The following SMIM7 variants were observed in gnomAD, a reference collection of about 807,000 sequenced individuals.
SMIM7 encodes UPF0608 protein C19orf42.
SMIM7 carries 12 observed loss-of-function variants against 13.3 expected under a neutral mutation model. That is an observed-to-expected ratio of 0.90 (90% CI 0.58 to 1.46). The LOEUF is 1.46. Ranked by LOEUF, SMIM7 falls within the 40% of genes most tolerant of loss-of-function variation. The pLI is 0.00. For synonymous variants in SMIM7, 36 were observed against 35.8 expected, an observed-to-expected ratio of 1.01 and a Z score of -0.02; for missense variants, 114 against 94.8, an observed-to-expected ratio of 1.20 and a Z score of -0.84.
At chr19:16,659,759 G>T in intron 2 of SMIM7, 200 bp downstream of exon 2, 1 of 706,900 alleles carries the variant, frequency 1.4e-6, no homozygotes, top group Non-Finnish European at 2.4e-6. Context: ...GACAACCAAG[G>T]AACGGAGAGT....
rs1280387160 is a variant in SMIM7, at chr19:16,650,609, C to T, written c.213-3348G>A. 2.6e-5 allele frequency among the ~76,000 whole-genome samples: 4 copies of T among 151,476 alleles called. No homozygotes were observed. The South Asian group carries it at 8.3e-4, about 31-fold the overall frequency. ...CCTGTAGTCTCAGCTCCTTGGGAGG[C>T]TGAGGCAGGAGAATCACTTGAACCT... On this transcript the variant is annotated intron_variant, in intron 4 of 4. Transcript: ENST00000487416.
At chr19:16,652,584 C>A in intron 4 of SMIM7, 2 of 1,195,106 alleles carry the variant, frequency 1.7e-6, no homozygotes, top group Non-Finnish European at 2.1e-6. Flanking sequence ...GCTCTCAGAT[C>A]CTCTCTGCCA....
downstream of SMIM7, chr19:16,640,921 T>TTA (rs2086399544): frequency 1.3e-5 from 2 of 151,366 alleles, no homozygotes; most frequent in African/African-American, 4.9e-5. Flanking sequence ...TGACAGAGTC[T>TTA]CAAAAAAAGA....
chr19:16,650,160 C>T (rs1431717279), intron 4 of SMIM7, among the ~76,000 whole-genome samples: 2 of 152,116 alleles, frequency 1.3e-5, no homozygotes, highest in African/African-American at 2.4e-5. Flanking sequence ...AACTTTTCCT[C>T]TTGTTATTTT....
At chr19:16,649,110 T>C (rs1235098579) in intron 4 of SMIM7, among the ~76,000 whole-genome samples, 1 of 152,190 alleles carries the variant, frequency 6.6e-6, no homozygotes, top group Non-Finnish European at 1.5e-5. Flanking sequence ...GGAGAAAGTG[T>C]AACCCTCGTA....
chr19:16,642,515 A>G (rs2086411149), downstream of SMIM7, among the ~76,000 whole-genome samples: 1 of 151,790 alleles, frequency 6.6e-6, no homozygotes, highest in Admixed American at 6.6e-5. Context: ...ACACCACCGC[A>G]CTCCAGCCTG....
At chr19:16,658,487 G>C (rs1288971620) in intron 3 of SMIM7, among the ~76,000 whole-genome samples, 2 of 152,184 alleles carry the variant, frequency 1.3e-5, no homozygotes, top group Non-Finnish European at 2.9e-5. Flanking sequence ...ATATGAAGGG[G>C]TTAGGGCTGG....
At chr19:16,653,935 A>C in intron 4 of SMIM7, 100 bp downstream of exon 4, 1 of 907,784 alleles carries the variant, frequency 1.1e-6, no homozygotes, top group Non-Finnish European at 1.7e-6. Context: ...CCAGGATACA[A>C]GAGTGATGAC....
intron 4 of SMIM7, among the ~76,000 whole-genome samples, chr19:16,648,555 G>A (rs1259275761): frequency 6.6e-6 from 1 of 152,142 alleles, no homozygotes. Flanking sequence ...GACTGATAAC[G>A]AGAATACACA....
intron 4 of SMIM7, among the ~76,000 whole-genome samples, chr19:16,639,430 T>C (rs1233969359): frequency 6.6e-6 from 1 of 152,164 alleles, no homozygotes; most frequent in African/African-American, 2.4e-5. Context: ...TCATAAGATG[T>C]CATTTTTAAA....
intron 4 of SMIM7, chr19:16,653,582 C>G (rs1253386757): frequency 6.2e-6 from 1 of 161,894 alleles, no homozygotes; most frequent in East Asian, 1.8e-4. Context: ...GACTCGATCT[C>G]AAAAACAAAA....
Position 16,632,535 on chromosome 19 carries a change from A to ATT in SMIM7, c.*138-813_*138-812dup, listed in dbSNP as rs397933494. On this transcript the variant is annotated intron_variant and NMD_transcript_variant, in intron 4 of 4. Transcript: ENST00000465250. Reference sequence around the variant, plus strand: ...ATGAAAAAAGTCATTAACTGTGAACATTTTTTTTTTTTTTTTTTTTGAGGC... The same window carrying ATT: ...ATGAAAAAAGTCATTAACTGTGAACATTTTTTTTTTTTTTTTTTTTTTGAGGC... Among the ~76,000 whole-genome samples the ATT allele has an allele frequency of 2.5e-3, 319 of 126,914 alleles. 3 individuals carry two copies. The highest frequency in any genetic ancestry group is 7.3e-3 in the African/African-American group (240 of 32,996). 83.3% of individuals were successfully genotyped at this position (126,914 alleles called of 152,430 possible).
exon 5 of SMIM7, chr19:16,630,922 G>A (rs2086317340): frequency 6.6e-6 from 1 of 152,150 alleles, no homozygotes; most frequent in Admixed American, 6.6e-5. Context: ...TCCTTGCCAG[G>A]GATCCTGTCA....
At chr19:16,650,025 A>G (rs1328306556) in intron 4 of SMIM7, among the ~76,000 whole-genome samples, 1 of 152,096 alleles carries the variant, frequency 6.6e-6, no homozygotes, top group East Asian at 1.9e-4. Context: ...TGTTGATGAA[A>G]ATGTTCTGAA....
In SMIM7 at chr19:16,660,015, T is replaced by C. The variant is rs775346558; in HGVS notation, c.27-15A>G. On this transcript the variant is annotated splice_polypyrimidine_tract_variant and intron_variant, in intron 1 of 4. Coordinates refer to ENST00000487416, the MANE Select transcript of SMIM7 (RefSeq NM_024104.4). ...TCAGCAACGTCCTGCAGAGGGAGAA[T>C]TACAGTTACTAGGGGCGCCCCCGCG... 1 of 1,613,960 alleles carries C rather than the reference T, an allele frequency of 6.2e-7. No individual in the cohort carries two copies. The highest frequency in any genetic ancestry group is 8.5e-7 in the Non-Finnish European group (1 of 1,179,988).
downstream of SMIM7, among the ~76,000 whole-genome samples, chr19:16,642,175 A>C (rs994181363): frequency 2.6e-5 from 4 of 152,212 alleles, no homozygotes; most frequent in Non-Finnish European, 5.9e-5. Context: ...TAATACACAA[A>C]ATCTGAACAC....
intron 2 of SMIM7, 189 bp from the exon 3 acceptor site, chr19:16,659,636 A>T: frequency 1.5e-6 from 1 of 680,006 alleles, no homozygotes; most frequent in Non-Finnish European, 2.5e-6. Context: ...CCAGGTCAGC[A>T]GCCACCGACC....
chr19:16,637,844 AC>A (rs1472809966), intron 4 of SMIM7, among the ~76,000 whole-genome samples: 2 of 152,232 alleles, frequency 1.3e-5, no homozygotes, highest in Non-Finnish European at 2.9e-5. Context: ...GAATTGTGTC[AC>A]CTACCCATGA....
chr19:16,644,349 T>G (rs1210138503), downstream of SMIM7, among the ~76,000 whole-genome samples: 1 of 152,004 alleles, frequency 6.6e-6, no homozygotes, highest in African/African-American at 2.4e-5. Flanking sequence ...CTCGAACTCC[T>G]GACCACAGGT....
Sources: allele counts gnomAD v4.1 joint callset (sites outside exome capture counted in the v4.1 genomes callset), GRCh38; gene constraint gnomAD v4.1.1; transcripts MANE v1.5; gene names NCBI Gene and HGNC (gene_info 2026-07-23, HGNC 2026-07-21).